ZNF518A: variants seen among roughly 807,000 people sequenced by gnomAD.
ZNF518A encodes zinc finger protein 518.
A neutral mutation model predicts 102.7 loss-of-function variants in ZNF518A; 47 were observed. That is an observed-to-expected ratio of 0.46 (90% CI 0.36 to 0.58). The LOEUF is 0.58. Ranked by LOEUF, ZNF518A falls within the 20% of genes least tolerant of loss-of-function variation. The probability of loss-of-function intolerance (pLI) is 0.00; values close to 1 mark genes in which losing one functional copy is unlikely to be tolerated. For missense variants in ZNF518A, 1,793 were observed against 1,699.8 expected (o/e 1.05, Z -0.96); for synonymous variants, 652 against 594.6 (o/e 1.10, Z -1.40).
upstream of ZNF518A, chr10:96,129,740 C>T (rs1002641763): frequency 1.3e-5 from 2 of 152,354 alleles, no homozygotes; most frequent in Non-Finnish European, 2.9e-5. Context: ...TCAGCAAGGG[C>T]TTGGGAAGTG....
chr10:96,158,729 A>G lies in ZNF518A; in HGVS notation c.2407A>G (p.Asn803Asp), dbSNP rs587689349. The change falls in exon 6 of 6, where the codon AAC becomes GAC. Residue 803 changes from asparagine to aspartate, a missense_variant. Physicochemically the swap from Asn to Asp is conservative, Grantham distance 23. Around this residue, in one of 3 missense-constraint regions of ZNF518A, gnomAD observed 1,741 missense variants for 1,622.6 expected, o/e 1.07. Coordinates refer to ENST00000316045, the MANE Select transcript of ZNF518A (RefSeq NM_001330736.2). ...IKPDVKQDSSNTPNKGLPLHC... is the reference protein window; with the variant it reads ...IKPDVKQDSSDTPNKGLPLHC... ...ACCTGATGTAAAACAAGACTCTAGT[A>G]ACACTCCAAATAAAGGCTTGCCACT... The G allele has an allele frequency of 1.9e-4, 304 of 1,613,428 alleles. No individual in the cohort carries two copies. Among genetic ancestry groups the G allele is most frequent in the Admixed American group, 9.2e-4 (55 of 59,892 alleles).
chr10:96,201,038 G>C, intron 1 of ZNF518A: 1 of 1,614,028 alleles, frequency 6.2e-7, no homozygotes, highest in South Asian at 1.1e-5. Context: ...TCCACAGTTG[G>C]GTTTCCCCCT....
In ZNF518A at chr10:96,191,235, C is replaced by CTTTT. The variant is rs34920263; in HGVS notation, n.36-12323_36-12320dup. Among the ~76,000 whole-genome samples, 278 of 130,240 alleles carry CTTTT rather than the reference C, an allele frequency of 2.1e-3. 9 individuals carry two copies. Among genetic ancestry groups the CTTTT allele is most frequent in the African/African-American group, 4.8e-3 (164 of 34,412 alleles). 85.4% of individuals were successfully genotyped at this position (130,240 alleles called of 152,430 possible). ...GTGGAACTGTGAGTCCATTAAACCT[C>CTTTT]TTTTTTTTTTTTTTTTTTTATGTAA... On this transcript the variant is annotated intron_variant and non_coding_transcript_variant, in intron 1 of 2. Coordinates refer to the ZNF518A transcript ENST00000442635.
At position 96,157,850 on chromosome 10, in the gene ZNF518A, G is replaced by A. The variant is rs1554883874; in HGVS notation, c.1528G>A (p.Ala510Thr). The change falls in exon 6 of 6, where the codon GCA (alanine) becomes ACA (threonine). Residue 510 changes from alanine (A) to threonine (T), a missense_variant. This residue lies in a region of ZNF518A where 1,741 missense variants were observed against 1,622.6 expected (regional missense o/e 1.07). Transcript: ENST00000316045. ...TELNDTVYMK[A>T]ATPFSCSSSI... ...GTTAAATGACACAGTTTATATGAAAGCAGCTACTCCATTTTCATGTTCATC... is the reference window on the plus strand; with the variant it reads ...GTTAAATGACACAGTTTATATGAAAACAGCTACTCCATTTTCATGTTCATC... 6.2e-7 allele frequency: 1 copy of A among 1,613,850 alleles called. No individual in the cohort carries two copies. The highest frequency in any genetic ancestry group is 8.5e-7 in the Non-Finnish European group (1 of 1,179,786).
At chr10:96,174,517 A>G (rs587699221) in intron 1 of ZNF518A, among the ~76,000 whole-genome samples, 2 of 152,324 alleles carry the variant, frequency 1.3e-5, no homozygotes, top group African/African-American at 4.8e-5. Context: ...ATGTAAGGGA[A>G]TACTATGAAC....
intron 1 of ZNF518A, among the ~76,000 whole-genome samples, chr10:96,186,731 A>T (rs1233199373): frequency 1.3e-5 from 2 of 152,208 alleles, no homozygotes; most frequent in Non-Finnish European, 2.9e-5. Context: ...ACAAATAGAG[A>T]AACCAAAACA....
At chr10:96,166,885 T>G (rs1481519202), downstream of ZNF518A, among the ~76,000 whole-genome samples, 4 of 152,290 alleles carry the variant, frequency 2.6e-5, no homozygotes, top group Middle Eastern at 3.4e-3. Flanking sequence ...CAGAGAGAAC[T>G]TCTAAACTAC....
At chr10:96,144,308 A>G (rs1160603840) in intron 3 of ZNF518A, among the ~76,000 whole-genome samples, 8 of 150,556 alleles carry the variant, frequency 5.3e-5, no homozygotes, top group Admixed American at 6.7e-5. Flanking sequence ...TTTAAAAATT[A>G]AAAAAAAAAT....
chr10:96,160,169 G>T lies in ZNF518A; in HGVS notation c.3847G>T (p.Asp1283Tyr). 1 of 1,609,822 alleles carries T rather than the reference G, an allele frequency of 6.2e-7. No individual in the cohort carries two copies. The highest frequency in any genetic ancestry group is 2.2e-5 in the East Asian group (1 of 44,810). ...RNRNCKRKCR[D>Y]SYQEPPRRKA... ...CAGAAACTGTAAACGAAAGTGTAGG[G>T]ATAGTTACCAAGAACCTCCAAGAAG... The change falls in exon 6 of 6, where the codon GAT (aspartate) becomes TAT (tyrosine). Residue 1283 changes from aspartate to tyrosine, a missense_variant. Around this residue, in one of 3 missense-constraint regions of ZNF518A, gnomAD observed 1,741 missense variants for 1,622.6 expected, o/e 1.07. Transcript: ENST00000316045.
At position 96,160,159 on chromosome 10, in the gene ZNF518A, A is replaced by C. The variant is rs1554886946; in HGVS notation, c.3837A>C (p.Arg1279=). Residue 1279 remains arginine (R), a synonymous_variant, in exon 6 of 6, where the codon CGA becomes CGC. Transcript: ENST00000316045. ...TATCTAGAAACAGAAACTGTAAACG[A>C]AAGTGTAGGGATAGTTACCAAGAAC... ...AFVSRNRNCK[R]KCRDSYQEPP... The C allele has an allele frequency of 6.2e-7, 1 of 1,609,712 alleles. No individual in the cohort carries two copies. The highest frequency in any genetic ancestry group is 8.5e-7 in the Non-Finnish European group (1 of 1,178,302).
At chr10:96,190,942 G>A (rs1183451702) in intron 1 of ZNF518A, among the ~76,000 whole-genome samples, 1 of 152,136 alleles carries the variant, frequency 6.6e-6, no homozygotes. Flanking sequence ...TTTGAAACTT[G>A]ATATGGTTTG....
At chr10:96,146,200 T>C (rs1248275610) in intron 3 of ZNF518A, among the ~76,000 whole-genome samples, 1 of 152,240 alleles carries the variant, frequency 6.6e-6, no homozygotes, top group East Asian at 1.9e-4. Flanking sequence ...TACAATACTG[T>C]AATTGATTTA....
chr10:96,153,916 G>C (rs1326918328), intron 3 of ZNF518A, among the ~76,000 whole-genome samples: 1 of 152,044 alleles, frequency 6.6e-6, no homozygotes, highest in Non-Finnish European at 1.5e-5. Flanking sequence ...TCTAAGTGAG[G>C]CATTATTAGA....
At chr10:96,197,902 C>T (rs782364528) in intron 1 of ZNF518A, among the ~76,000 whole-genome samples, 4 of 125,580 alleles carry the variant, frequency 3.2e-5, no homozygotes, top group Non-Finnish European at 6.7e-5. Flanking sequence ...GGTGACAGAG[C>T]GAGACAACAT....
intron 1 of ZNF518A, chr10:96,196,962 T>C (rs782319580): frequency 1.9e-6 from 3 of 1,613,616 alleles, no homozygotes; most frequent in Non-Finnish European, 2.5e-6. Context: ...CTTCAATAAA[T>C]CGCACAGGAA....
At chr10:96,140,511 A>T (rs1194938632) in intron 3 of ZNF518A, among the ~76,000 whole-genome samples, 1 of 152,190 alleles carries the variant, frequency 6.6e-6, no homozygotes, top group African/African-American at 2.4e-5. Context: ...GTCGCAGCAA[A>T]ATGACAAACA....
intron 1 of ZNF518A, among the ~76,000 whole-genome samples, chr10:96,202,937 C>G (rs1399470327): frequency 1.3e-5 from 2 of 152,216 alleles, no homozygotes; most frequent in African/African-American, 4.8e-5. Flanking sequence ...ACCATCCTGT[C>G]TACAGCAGCA....
chr10:96,159,357 C>A lies in ZNF518A; in HGVS notation c.3035C>A (p.Pro1012His). The change falls in exon 6 of 6, where the codon CCT (proline) becomes CAT (histidine). Residue 1012 changes from proline (P) to histidine (H), a missense_variant. Transcript: ENST00000316045. ...GTGACTAAGGAGCCTTGCAAAACAC[C>A]TATTTTGAAGGTAGAACCAAACAAT... ...GTVTKEPCKT[P>H]ILKVEPNNNC... 6.2e-7 allele frequency: 1 copy of A among 1,613,788 alleles called. No homozygotes were observed.
intron 1 of ZNF518A, among the ~76,000 whole-genome samples, chr10:96,184,131 A>AT (rs2083256726): frequency 6.7e-6 from 1 of 150,154 alleles, no homozygotes; most frequent in Non-Finnish European, 1.5e-5. Context: ...CTAGGATTGC[A>AT]TTTTTTGCTT....
Sources: allele counts gnomAD v4.1 joint callset (sites outside exome capture counted in the v4.1 genomes callset), GRCh38; gene constraint gnomAD v4.1.1; regional missense constraint gnomAD v4.1.1; transcripts MANE v1.5; gene names NCBI Gene and HGNC (gene_info 2026-07-23, HGNC 2026-07-21).